WDR91: variants seen among roughly 807,000 people sequenced by gnomAD.
The protein encoded by WDR91 is WD repeat domain 91.
WDR91 carries 52 observed loss-of-function variants against 88.4 expected under a neutral mutation model. The observed-to-expected ratio is 0.59, with a 90% CI of 0.47 to 0.74. WDR91 has a LOEUF of 0.74. Among genes scored for constraint, WDR91 ranks in the 30% least tolerant of loss-of-function variants. WDR91 has a pLI of 0.00. For synonymous variants in WDR91, 362 were observed against 389.5 expected (o/e 0.93, Z 0.83); for missense variants, 824 against 954.5 (o/e 0.86, Z 1.80).
At chr7:135,187,192 G>A (rs756599171) in intron 13 of WDR91, 23 bp from the exon 14 acceptor site, 1 of 1,613,162 alleles carries the variant, frequency 6.2e-7, no homozygotes, top group Non-Finnish European at 8.5e-7. Flanking sequence ...GGCACAAGCA[G>A]GGTGCTCGCA....
At chr7:135,202,472 T>A (rs1433774323) in intron 6 of WDR91, 1 of 152,216 alleles carries the variant, frequency 6.6e-6, no homozygotes, top group Non-Finnish European at 1.5e-5. Context: ...TTCCATTATA[T>A]TTTAGAGGAA....
chr7:135,204,870 A>C (rs147289020), intron 5 of WDR91, among the ~76,000 whole-genome samples: 156 of 152,362 alleles, frequency 1.0e-3, no homozygotes, highest in Admixed American at 2.7e-3. Flanking sequence ...TAGGCCAAAT[A>C]AAATATATCA....
intron 4 of WDR91, among the ~76,000 whole-genome samples, chr7:135,206,302 ACTTGCTT>A (rs1204534839): frequency 6.6e-6 from 1 of 152,126 alleles, no homozygotes; most frequent in Non-Finnish European, 1.5e-5. Flanking sequence ...TAATCATTTG[ACTTGCTT>A]CCTCCTAGAT....
At chr7:135,186,933 C>A (rs1830965775) in intron 14 of WDR91, 39 bp downstream of exon 14, 1 of 1,611,522 alleles carries the variant, frequency 6.2e-7, no homozygotes, top group South Asian at 1.1e-5. Context: ...CCCCTGCCCA[C>A]CACAATACCA....
rs767334098 is a variant in WDR91, at chr7:135,211,491, G to A, written c.12C>T (p.Ala4=). ...GGACCAGCTCGTCAGTGCGCTCCACGGCCTCCGCCATCGCAGCGCTAGCGT... is the reference window on the plus strand; with the variant it reads ...GGACCAGCTCGTCAGTGCGCTCCACAGCCTCCGCCATCGCAGCGCTAGCGT... The part of the protein sequence containing the change: MAE[A]VERTDELVRE... The change falls in exon 1 of 15, where the codon GCC becomes GCT. Residue 4 remains alanine, a synonymous_variant. Coordinates refer to ENST00000354475, the MANE Select transcript of WDR91 (RefSeq NM_014149.4). 3.7e-6 allele frequency: 6 copies of A among 1,611,360 alleles called. No homozygotes were observed. The Admixed American group carries it at 5.0e-5, about 13-fold the overall frequency.
intron 7 of WDR91, chr7:135,197,790 A>C: frequency 1.8e-5 from 10 of 563,806 alleles, no homozygotes; most frequent in East Asian, 3.1e-5. Flanking sequence ...TACTTAGGGA[A>C]ATGCTGCATG....
At chr7:135,199,477 GT>G (rs945174459) in intron 6 of WDR91, 4 of 152,396 alleles carry the variant, frequency 2.6e-5, no homozygotes, top group African/African-American at 9.6e-5. Context: ...GAGAGATGGA[GT>G]GGGGAGGTGG....
rs773822202 is a variant in WDR91 at position 135,193,585 on chromosome 7, T to A, written c.1483A>T (p.Met495Leu). ...NLCEININDNMPRILSLACSP... is the reference protein window; with the variant it reads ...NLCEININDNLPRILSLACSP... The stretch of plus-strand genomic sequence containing the variant: ...GGGTAGGTTCCAGTTCACCTGGGCA[T>A]GTTGTCGTTGATATTGATTTCACAG... Residue 495 changes from methionine to leucine, a missense_variant, in exon 10 of 15, where the codon ATG (methionine) becomes TTG (leucine). Met to Leu is a conservative substitution (Grantham distance 15). Transcript: ENST00000354475. The A allele has an allele frequency of 1.9e-6, 3 of 1,614,146 alleles. No homozygotes were observed. Among genetic ancestry groups the A allele is most frequent in the South Asian group, 1.1e-5 (1 of 91,074 alleles).
At chr7:135,190,050 A>C (rs1184288453) in intron 11 of WDR91, among the ~76,000 whole-genome samples, 1 of 152,240 alleles carries the variant, frequency 6.6e-6, no homozygotes, top group African/African-American at 2.4e-5. Context: ...GCTAGCAAAT[A>C]AAAGAATCCT....
chr7:135,194,527 A>G (rs1336685918), intron 9 of WDR91, among the ~76,000 whole-genome samples: 5 of 152,218 alleles, frequency 3.3e-5, no homozygotes, highest in Non-Finnish European at 7.3e-5. Context: ...CCTGGGGACA[A>G]TAAGACCCAT....
intron 4 of WDR91, 154 bp downstream of exon 4, chr7:135,206,966 T>C (rs1285490514): frequency 7.3e-6 from 3 of 412,176 alleles, no homozygotes; most frequent in African/African-American, 2.1e-5. Flanking sequence ...ACTCTCCAAA[T>C]CCCCAATACT....
rs748504592 is a variant in WDR91, at chr7:135,193,690, G to A, written c.1396-18C>T. 6.8e-6 allele frequency: 11 copies of A among 1,609,554 alleles called. No individual in the cohort carries two copies. The highest frequency in any genetic ancestry group is 2.2e-5 in the East Asian group (1 of 44,830). On this transcript the variant is annotated intron_variant, in intron 9 of 14. Transcript: ENST00000354475. The stretch of plus-strand genomic sequence containing the variant: ...AGCAAGAGCTGGAATGACAAGGGGC[G>A]GGAGGTGGGAAGGATAGCATGGAGT...
intron 11 of WDR91, among the ~76,000 whole-genome samples, chr7:135,191,652 A>G (rs1025542431): frequency 1.3e-5 from 2 of 151,440 alleles, no homozygotes; most frequent in Non-Finnish European, 2.9e-5. Context: ...ACAAAATTCA[A>G]GACAGGTTCT....
intron 5 of WDR91, among the ~76,000 whole-genome samples, chr7:135,205,722 G>A (rs368195614): frequency 7.2e-5 from 11 of 152,284 alleles, no homozygotes; most frequent in South Asian, 4.1e-4. Context: ...ATTGTGCCAC[G>A]GCACTCTAGC....
chr7:135,205,127 C>T (rs1831716746), intron 5 of WDR91, among the ~76,000 whole-genome samples: 1 of 78,754 alleles, frequency 1.3e-5, no homozygotes, highest in African/African-American at 3.5e-5. Context: ...ATTATTATCA[C>T]CAGCTGGGGC....
intron 5 of WDR91, among the ~76,000 whole-genome samples, chr7:135,205,169 A>T (rs1335038186): frequency 1.3e-5 from 2 of 152,318 alleles, no homozygotes; most frequent in East Asian, 3.9e-4. Flanking sequence ...CTGAAGGTCA[A>T]ATACCTCTCT....
Position 135,205,922 on chromosome 7 carries a change from A to G in WDR91, c.725+6T>C. The G allele has an allele frequency of 1.9e-6, 3 of 1,613,120 alleles. No individual in the cohort carries two copies. The highest frequency in any genetic ancestry group is 2.5e-6 in the Non-Finnish European group (3 of 1,180,030). ...AGAAAAGGAAAGGGCCGTCACACAC[A>G]CTCACAGTTCCGAGTCCCCCAGGCG... On this transcript the variant is annotated splice_donor_region_variant and intron_variant, in intron 5 of 14. Coordinates refer to ENST00000354475, the MANE Select transcript of WDR91 (RefSeq NM_014149.4).
In WDR91 at chr7:135,186,109, G is replaced by A. The variant is rs773810002; in HGVS notation, c.*42C>T. ...CTGTCCTATATCTCCTCCCCCCACC[G>A]CAGATAATACTGCTTCCTCGGGTGG... On this transcript the variant is annotated 3_prime_UTR_variant, in exon 15 of 15. Coordinates refer to ENST00000354475, the MANE Select transcript of WDR91 (RefSeq NM_014149.4). 18 of 1,547,024 alleles carry A rather than the reference G, an allele frequency of 1.2e-5. No individual in the cohort carries two copies. The highest frequency in any genetic ancestry group is 1.8e-4 in the Middle Eastern group (1 of 5,636).
At position 135,189,214 on chromosome 7, in the gene WDR91, A is replaced by G. The variant is rs1831070907; in HGVS notation, c.1768+130T>C. On this transcript the variant is annotated intron_variant, in intron 12 of 14. Transcript: ENST00000354475. Reference sequence around the variant, plus strand: ...AAAACGTTGACCAAAGTTAAGCTGTAGTACATGCATCTGAAGTCAGGGTTT... The same window carrying G: ...AAAACGTTGACCAAAGTTAAGCTGTGGTACATGCATCTGAAGTCAGGGTTT... 2.9e-6 allele frequency: 2 copies of G among 687,722 alleles called. 1 individual carries two copies. Among genetic ancestry groups the G allele is most frequent in the Non-Finnish European group, 5.0e-6 (2 of 402,166 alleles). 42.6% of individuals were successfully genotyped at this position (687,722 alleles called of 1,614,324 possible).
Sources: gnomAD v4.1 joint callset for allele counts (sites outside exome capture counted in the v4.1 genomes callset) on GRCh38, gnomAD v4.1.1 for gene constraint, MANE v1.5 for transcripts, NCBI Gene and HGNC (gene_info 2026-07-23, HGNC 2026-07-21) for gene names.